The following MEG3 variants were observed in gnomAD, a reference collection of about 807,000 sequenced individuals.
MEG3 encodes Very putative protein from MEG3 locus.
At chr14:100,828,126 C>T (rs1266037999) in intron 1 of MEG3, among the ~76,000 whole-genome samples, 2 of 152,018 alleles carry the variant, frequency 1.3e-5, no homozygotes, top group Admixed American at 6.5e-5. Context: ...GGAGCCCTTC[C>T]TAGCCTGAGA....
intron 2 of MEG3, among the ~76,000 whole-genome samples, chr14:100,842,798 C>T (rs1157760758): frequency 6.6e-6 from 1 of 152,184 alleles, no homozygotes; most frequent in African/African-American, 2.4e-5. Context: ...TTTCTAATCC[C>T]ATTAAGCTGT....
intron 1 of MEG3, among the ~76,000 whole-genome samples, chr14:100,827,210 C>T (rs1313752552): frequency 1.3e-5 from 2 of 152,126 alleles, no homozygotes; most frequent in African/African-American, 4.8e-5. Context: ...CCCCCCCAGG[C>T]CGCCCCCTCC....
chr14:100,842,925 G>T (rs1415765529), intron 2 of MEG3, among the ~76,000 whole-genome samples: 1 of 152,154 alleles, frequency 6.6e-6, no homozygotes, highest in Admixed American at 6.5e-5. Context: ...GACTCTATAA[G>T]GAGGCCTCGT....
At chr14:100,833,002 C>T (rs1262113554), downstream of MEG3, 1 of 152,232 alleles carries the variant, frequency 6.6e-6, no homozygotes, top group Non-Finnish European at 1.5e-5. Context: ...TCAAGATCAC[C>T]AAGTGGTAGG....
rs770007989 is a variant in MEG3 at position 100,845,527 on chromosome 14, C to G, written n.3115C>G. On this transcript the variant is annotated non_coding_transcript_exon_variant, in exon 3 of 4. Transcript: ENST00000398461. The surrounding 1 kb of genome is among the most constrained non-coding windows in gnomAD (Gnocchi z 5.2). Reference sequence around the variant, plus strand: ...GTGGGACCCCAGCCCCTCTCCAGCTCGAAATCGTAAGTGGCTGGAGTGTAA... The same window carrying G: ...GTGGGACCCCAGCCCCTCTCCAGCTGGAAATCGTAAGTGGCTGGAGTGTAA... The G allele has an allele frequency of 1.5e-5, 7 of 456,594 alleles. No homozygotes were observed. The highest frequency in any genetic ancestry group is 1.2e-4 in the African/African-American group (6 of 50,076). 28.3% of individuals were successfully genotyped at this position (456,594 alleles called of 1,614,324 possible).
chr14:100,832,091 T>C (rs575081082), downstream of MEG3: 27 of 146,160 alleles, frequency 1.8e-4, no homozygotes, highest in Non-Finnish European at 2.9e-4. Context: ...GAGAAGAGAA[T>C]AACTAAACAA....
intron 3 of MEG3, chr14:100,851,286 G>A (rs1024691791): frequency 2.6e-5 from 4 of 152,502 alleles, no homozygotes; most frequent in East Asian, 1.9e-4. Context: ...CCACTCCCGC[G>A]GCATGGGTCA....
chr14:100,835,865 C>T (rs2037556803), exon 1 of MEG3: 2 of 275,016 alleles, frequency 7.3e-6, no homozygotes, highest in South Asian at 3.5e-5. Context: ...AGAGACCCCT[C>T]GTGATCGTGC....
Position 100,851,974 on chromosome 14 carries a change from C to G in MEG3, n.3121+6441C>G, listed in dbSNP as rs2295389. The G allele has an allele frequency of 0.3, 58,435 of 194,118 alleles. 10,139 individuals carry two copies. Among genetic ancestry groups the G allele is most frequent in the South Asian group, 0.36 (4,671 of 12,946 alleles). 12.0% of individuals were successfully genotyped at this position (194,118 alleles called of 1,614,324 possible). A position where few individuals can be genotyped will look rare whatever the true frequency, so the allele number is the denominator to read the frequency against. On this transcript the variant is annotated intron_variant and non_coding_transcript_variant, in intron 3 of 3. Transcript: ENST00000398461. ...GGACCAAAGTCTCCCTTGTTGACCT[C>G]TCAATTCCTATTTGGGACATATAAA...
intron 3 of MEG3, chr14:100,847,127 T>C (rs2037941402): frequency 6.6e-6 from 1 of 150,560 alleles, no homozygotes; most frequent in Non-Finnish European, 1.5e-5. Flanking sequence ...ACAAATAATA[T>C]ATGCTCCTGG....
upstream of MEG3, chr14:100,856,610 A>C (rs2038247963): frequency 6.6e-6 from 1 of 152,660 alleles, no homozygotes; most frequent in Non-Finnish European, 1.5e-5. Context: ...TCACTCAGGC[A>C]GCTGAGTGGG....
intron 1 of MEG3, among the ~76,000 whole-genome samples, chr14:100,826,700 G>A (rs1282050892): frequency 6.6e-6 from 1 of 152,232 alleles, no homozygotes; most frequent in African/African-American, 2.4e-5. Context: ...CTCGCCAGCT[G>A]TTGGCCAGGT....
At chr14:100,856,900 C>T (rs893218822), upstream of MEG3, 2 of 152,194 alleles carry the variant, frequency 1.3e-5, no homozygotes, top group Admixed American at 6.5e-5. Flanking sequence ...ATATTAGGCA[C>T]CAGCCATCAA....
At chr14:100,853,142 T>C (rs1338857117), upstream of MEG3, 1 of 152,250 alleles carries the variant, frequency 6.6e-6, no homozygotes, top group African/African-American at 2.4e-5. Context: ...AAGGTCCGAG[T>C]TGGGATCCTA....
At chr14:100,852,759 C>A (rs1047832391), upstream of MEG3, 3 of 221,090 alleles carry the variant, frequency 1.4e-5, no homozygotes, top group Non-Finnish European at 2.8e-5. Context: ...TTGCATGCAC[C>A]AAGAGGAAAT....
chr14:100,860,610 C>T, intron 1 of MEG3: 3 of 455,498 alleles, frequency 6.6e-6, no homozygotes, highest in South Asian at 3.1e-5. Flanking sequence ...CCTCCTGGGG[C>T]CTGCCTGTCT....
At chr14:100,833,184 C>G (rs1490045698), downstream of MEG3, 1 of 151,794 alleles carries the variant, frequency 6.6e-6, no homozygotes, top group African/African-American at 2.4e-5. Flanking sequence ...AAATTGGGCA[C>G]AGGGGGCTAG....
upstream of MEG3, chr14:100,854,575 ACCT>A (rs1254244619): frequency 1.3e-5 from 2 of 152,066 alleles, no homozygotes; most frequent in Non-Finnish European, 2.9e-5. Flanking sequence ...TGCAGGCTGG[ACCT>A]CCTGGGTGTG....
chr14:100,840,665 T>G (rs1301468894), intron 2 of MEG3, among the ~76,000 whole-genome samples: 1 of 152,194 alleles, frequency 6.6e-6, no homozygotes, highest in Non-Finnish European at 1.5e-5. Context: ...CGCGCGACCC[T>G]GGGATGCTCA....
Sources: allele counts gnomAD v4.1 joint callset (sites outside exome capture counted in the v4.1 genomes callset), GRCh38; gene constraint gnomAD v4.1.1; non-coding constraint Gnocchi (gnomAD v3.1); transcripts MANE v1.5; gene names NCBI Gene and HGNC (gene_info 2026-07-23, HGNC 2026-07-21).